Variants in LPP observed in about 807,000 individuals in gnomAD.
LPP encodes the protein LIM domain containing preferred translocation partner in lipoma, also known as lipoma-preferred partner.
LPP carries 38 observed loss-of-function variants against 60.4 expected under a neutral mutation model. The ratio of observed to expected loss-of-function variants is 0.63; its 90% CI spans 0.49 to 0.83. The LOEUF (loss-of-function observed/expected upper bound fraction) is 0.83. Among genes scored for constraint, LPP ranks in the 40% least tolerant of loss-of-function variants. The pLI, the probability that LPP is intolerant of heterozygous loss-of-function variation, is 0.00. For synonymous variants in LPP, 328 were observed against 290.8 expected (o/e 1.13, Z -1.30); for missense variants, 902 against 783.6 (o/e 1.15, Z -1.80).
At chr3:188,721,071 A>AT (rs1191258846) in intron 8 of LPP, among the ~76,000 whole-genome samples, 1 of 151,842 alleles carries the variant, frequency 6.6e-6, no homozygotes, top group African/African-American at 2.4e-5. Flanking sequence ...CATCTTCATA[A>AT]TTTTTTTTAC....
At chr3:188,375,136 A>C (rs1258424574) in intron 3 of LPP, among the ~76,000 whole-genome samples, 2 of 152,120 alleles carry the variant, frequency 1.3e-5, no homozygotes, top group African/African-American at 4.8e-5. Context: ...TTTTTGCATC[A>C]ATGTTCATCA....
chr3:188,341,282 C>T (rs1294092377), intron 2 of LPP, among the ~76,000 whole-genome samples: 1 of 152,178 alleles, frequency 6.6e-6, no homozygotes, highest in African/African-American at 2.4e-5. Flanking sequence ...AACTTTGGCT[C>T]CAAATTCATG....
At chr3:188,614,579 T>C (rs1844501610) in intron 7 of LPP, among the ~76,000 whole-genome samples, 1 of 152,212 alleles carries the variant, frequency 6.6e-6, no homozygotes, top group Non-Finnish European at 1.5e-5. Flanking sequence ...TAGAGGTCTT[T>C]GTCTTTCTTT....
At chr3:188,706,598 C>T (rs1413378236) in intron 7 of LPP, among the ~76,000 whole-genome samples, 3 of 152,190 alleles carry the variant, frequency 2.0e-5, no homozygotes, top group African/African-American at 7.2e-5. Context: ...CTTTAGACAT[C>T]ACACAAATGA....
chr3:188,606,609 G>C (rs1040728353), intron 6 of LPP, among the ~76,000 whole-genome samples: 1 of 152,056 alleles, frequency 6.6e-6, no homozygotes, highest in Non-Finnish European at 1.5e-5. Flanking sequence ...GGTCCCAATA[G>C]TACTAAATAG....
At chr3:188,787,216 G>A (rs1164420959) in intron 9 of LPP, among the ~76,000 whole-genome samples, 3 of 152,048 alleles carry the variant, frequency 2.0e-5, no homozygotes, top group African/African-American at 7.2e-5. Flanking sequence ...ATTGTTGGGG[G>A]AAACTGGATA....
intron 7 of LPP, among the ~76,000 whole-genome samples, chr3:188,631,305 C>T (rs1026984735): frequency 6.6e-6 from 1 of 152,112 alleles, no homozygotes; most frequent in African/African-American, 2.4e-5. Flanking sequence ...ATCTGCACAA[C>T]TTTTATTAGT....
At chr3:188,508,573 A>G (rs973408032) in intron 5 of LPP, among the ~76,000 whole-genome samples, 2 of 152,186 alleles carry the variant, frequency 1.3e-5, no homozygotes, top group African/African-American at 4.8e-5. Context: ...GCCAACTTAT[A>G]GTTGATTTAT....
chr3:188,462,871 C>T (rs1033973765), intron 4 of LPP, among the ~76,000 whole-genome samples: 1 of 151,844 alleles, frequency 6.6e-6, no homozygotes, highest in Non-Finnish European at 1.5e-5. Context: ...CTTTGGGAGG[C>T]CGAGGCTGGC....
At chr3:188,372,226 C>CT (rs1553878354) in intron 3 of LPP, among the ~76,000 whole-genome samples, 1 of 151,994 alleles carries the variant, frequency 6.6e-6, no homozygotes, top group Non-Finnish European at 1.5e-5. Context: ...TTTTGTCCCC[C>CT]TCTATAAATG....
chr3:188,482,064 G>T (rs1336737631), intron 4 of LPP, among the ~76,000 whole-genome samples: 4 of 152,168 alleles, frequency 2.6e-5, no homozygotes, highest in Non-Finnish European at 5.9e-5. Context: ...GTTCTCACAA[G>T]ATCTGATGGT....
At chr3:188,803,045 C>CTTT (rs374563246) in intron 9 of LPP, among the ~76,000 whole-genome samples, 17,869 of 130,174 alleles carry the variant, frequency 0.14, 1,519 homozygotes, top group Non-Finnish European at 0.19. Flanking sequence ...GTTGTATATG[C>CTTT]TTTTTTTTTT....
chr3:188,328,720 T>C (rs1412275267), intron 2 of LPP, among the ~76,000 whole-genome samples: 1 of 152,228 alleles, frequency 6.6e-6, no homozygotes, highest in Non-Finnish European at 1.5e-5. Context: ...CGTAGTTTGA[T>C]CTTCAGCAGG....
intron 2 of LPP, among the ~76,000 whole-genome samples, chr3:188,260,629 A>G (rs532492475): frequency 1.3e-5 from 2 of 152,270 alleles, no homozygotes; most frequent in East Asian, 1.9e-4. Flanking sequence ...TGAGCACCTT[A>G]TATTTACACA....
At chr3:188,392,433 C>T (rs1455721749) in intron 3 of LPP, among the ~76,000 whole-genome samples, 6 of 152,082 alleles carry the variant, frequency 3.9e-5, no homozygotes, top group Non-Finnish European at 5.9e-5. Context: ...GCTGTTGCTC[C>T]CTCGCTGCAC....
chr3:188,382,507 T>C (rs1459565051), intron 3 of LPP, among the ~76,000 whole-genome samples: 1 of 152,248 alleles, frequency 6.6e-6, no homozygotes, highest in Admixed American at 6.5e-5. Flanking sequence ...GATGGCTCTT[T>C]AAAAAGAGCC....
intron 8 of LPP, chr3:188,743,797 G>C (rs1408327652): frequency 6.6e-6 from 1 of 152,084 alleles, no homozygotes; most frequent in African/African-American, 2.4e-5. Flanking sequence ...TTAATCACAA[G>C]ATAGGCAATG....
At chr3:188,426,009 G>T (rs538664741) in intron 4 of LPP, among the ~76,000 whole-genome samples, 60 of 152,154 alleles carry the variant, frequency 3.9e-4, no homozygotes, top group Admixed American at 2.7e-3. Context: ...GAATTTGTTT[G>T]CTCTTGCTTC....
chr3:188,419,550 T>G (rs2149015952), intron 4 of LPP, among the ~76,000 whole-genome samples: 1 of 152,310 alleles, frequency 6.6e-6, no homozygotes, highest in East Asian at 1.9e-4. Flanking sequence ...TCTGGAAACT[T>G]GGACTCACCA....
Sources: gnomAD v4.1 joint callset for allele counts (sites outside exome capture counted in the v4.1 genomes callset) on GRCh38, gnomAD v4.1.1 for gene constraint, MANE v1.5 for transcripts, NCBI Gene and HGNC (gene_info 2026-07-23, HGNC 2026-07-21) for gene names.